IGF2R: variants seen among roughly 807,000 people sequenced by gnomAD.
IGF2R encodes insulin like growth factor 2 receptor, also known as cation-independent mannose-6-phosphate receptor.
A neutral mutation model predicts 270.6 loss-of-function variants in IGF2R; 91 were observed. The ratio of observed to expected loss-of-function variants is 0.34; its 90% CI spans 0.28 to 0.40. The LOEUF (loss-of-function observed/expected upper bound fraction) is 0.40, where lower values mean the gene tolerates loss of function less well. Among genes scored for constraint, IGF2R ranks in the 10% least tolerant of loss-of-function variants. The pLI is 1.00. For missense variants in IGF2R, 2,805 were observed against 3,188.3 expected (o/e 0.88, Z 2.90); for synonymous variants, 1,316 against 1,258.9 (o/e 1.05, Z -0.96).
At chr6:160,043,095 C>T (rs1777982481) in intron 11 of IGF2R, 53 bp from the exon 12 acceptor site, 3 of 1,593,536 alleles carry the variant, frequency 1.9e-6, no homozygotes, top group Admixed American at 3.4e-5. Flanking sequence ...TATTCTGTGA[C>T]TCAGAGAAAT....
At chr6:159,984,738 G>A (rs1562332358) in intron 1 of IGF2R, among the ~76,000 whole-genome samples, 3 of 152,140 alleles carry the variant, frequency 2.0e-5, no homozygotes, top group Non-Finnish European at 4.4e-5. Context: ...TTCTGATGAC[G>A]TATCGCCATT....
intron 4 of IGF2R, among the ~76,000 whole-genome samples, chr6:160,011,304 T>TAA (rs550665992): frequency 2.0e-5 from 3 of 152,270 alleles, no homozygotes; most frequent in Admixed American, 2.0e-4. Context: ...AGGTATCCCT[T>TAA]AAATTCTTTT....
At chr6:160,074,595 AT>A (rs1778817189) in intron 35 of IGF2R, among the ~76,000 whole-genome samples, 1 of 152,216 alleles carries the variant, frequency 6.6e-6, no homozygotes, top group Non-Finnish European at 1.5e-5. Context: ...TTTAATAGAA[AT>A]TTGGATCTTT....
intron 26 of IGF2R, 64 bp downstream of exon 26, chr6:160,062,683 T>A: frequency 8.5e-7 from 1 of 1,175,742 alleles, no homozygotes; most frequent in African/African-American, 1.5e-5. Context: ...TTCTGAACGA[T>A]GCCTTAGATA....
intron 42 of IGF2R, 138 bp downstream of exon 42, chr6:160,088,285 G>A (rs1406943704): frequency 7.7e-6 from 5 of 649,930 alleles, no homozygotes; most frequent in East Asian, 2.7e-5. Flanking sequence ...TGTATTGGGC[G>A]GGGCTGCTCC....
rs1438152582 is a variant in IGF2R at position 160,054,209 on chromosome 6, CAT to C, written c.2695-2212_2695-2211del. On this transcript the variant is annotated intron_variant, in intron 19 of 47. Transcript: ENST00000356956. ...ATGCTGAACAGGTTAGTCAAGTATACATATTCAGCAGGTTACAGGAGCAGCTA... is the reference window on the plus strand; with the variant it reads ...ATGCTGAACAGGTTAGTCAAGTATACATTCAGCAGGTTACAGGAGCAGCTA... Among the ~76,000 whole-genome samples the C allele has an allele frequency of 4.6e-5, 7 of 152,304 alleles. No individual in the cohort carries two copies. The East Asian group carries it at 1.3e-3, about 29-fold the overall frequency.
chr6:160,066,899 T>C (rs1778596622), intron 29 of IGF2R, among the ~76,000 whole-genome samples: 1 of 152,228 alleles, frequency 6.6e-6, no homozygotes. Flanking sequence ...CACCTGCCCC[T>C]GGTTTGGGCA....
Position 160,047,350 on chromosome 6 carries a change from T to G in IGF2R, c.2229+14T>G. 1 of 1,567,444 alleles carries G rather than the reference T, an allele frequency of 6.4e-7. No homozygotes were observed. The highest frequency in any genetic ancestry group is 1.2e-5 in the South Asian group (1 of 84,176). On this transcript the variant is annotated intron_variant, in intron 16 of 47. Transcript: ENST00000356956. ...CCTGAATATCAGGTAGGAATGTTTG[T>G]TCCTCATCGCGCTCCCTGAGGATAC... is the stretch of plus-strand genomic sequence containing the variant.
rs760525553 is a variant in IGF2R, at chr6:160,104,836, G to A, written c.7228G>A (p.Glu2410Lys). ...SSLHGDDQDS[E>K]DEVLTIPEVK... ...CCTGCATGGGGATGACCAGGACAGT[G>A]AGGATGAGGTTCTGACCATCCCAGA... Residue 2410 changes from glutamate (E) to lysine (K), a missense_variant, in exon 48 of 48, where the codon GAG becomes AAG. By Grantham distance (56) the Glu-to-Lys change is moderately conservative. Transcript: ENST00000356956. 1 of 1,614,252 alleles carries A rather than the reference G, an allele frequency of 6.2e-7. No homozygotes were observed. Among genetic ancestry groups the A allele is most frequent in the African/African-American group, 1.3e-5 (1 of 75,064 alleles).
At chr6:160,024,420 T>G in intron 4 of IGF2R, 152 bp from the exon 5 acceptor site, 1 of 700,754 alleles carries the variant, frequency 1.4e-6, no homozygotes, top group Non-Finnish European at 2.4e-6. Context: ...GCCAAGACGT[T>G]TATTGACCTT....
chr6:160,010,774 G>C lies in IGF2R; in HGVS notation c.502G>C (p.Ala168Pro). The part of the protein sequence containing the change: ...TAACKKDIFK[A>P]NKEVPCYVFD... The stretch of plus-strand genomic sequence containing the variant: ...AGCCTGCAAGAAAGACATATTTAAA[G>C]CAAATAAGGAGGTAACATGGGAACT... Residue 168 changes from alanine to proline, a missense_variant, in exon 4 of 48, where the codon GCA (alanine) becomes CCA (proline). Physicochemically the swap from Ala to Pro is conservative, Grantham distance 27 (BLOSUM62 -1). Transcript: ENST00000356956. 4 of 1,596,846 alleles carry C rather than the reference G, an allele frequency of 2.5e-6. No individual in the cohort carries two copies. Among genetic ancestry groups the C allele is most frequent in the Non-Finnish European group, 3.4e-6 (4 of 1,164,346 alleles).
At chr6:159,986,642 C>A (rs1001989091) in intron 1 of IGF2R, among the ~76,000 whole-genome samples, 7 of 152,236 alleles carry the variant, frequency 4.6e-5, no homozygotes, top group Non-Finnish European at 5.9e-5. Context: ...TGTTTCCACA[C>A]AGCTTGCAGA....
chr6:160,088,243 T>C (rs904570824), intron 42 of IGF2R, 96 bp downstream of exon 42: 1 of 813,834 alleles, frequency 1.2e-6, no homozygotes, highest in Middle Eastern at 3.5e-4. Flanking sequence ...GGCTGAGTCT[T>C]AGGAGCTCAG....
At chr6:160,041,144 C>A (rs1386479579) in intron 11 of IGF2R, among the ~76,000 whole-genome samples, 1 of 152,132 alleles carries the variant, frequency 6.6e-6, no homozygotes, top group Non-Finnish European at 1.5e-5. Flanking sequence ...GCCAAGGAGG[C>A]AGCAGCGCCC....
At chr6:159,977,638 C>T (rs1783714805) in intron 1 of IGF2R, among the ~76,000 whole-genome samples, 1 of 152,182 alleles carries the variant, frequency 6.6e-6, no homozygotes, top group Non-Finnish European at 1.5e-5. Context: ...AGGGGTGGGA[C>T]TTAGTTTTCT....
Position 160,056,486 on chromosome 6 carries a change from G to T in IGF2R, c.2757G>T (p.Glu919Asp). The T allele has an allele frequency of 6.2e-7, 1 of 1,614,046 alleles. No homozygotes were observed. The highest frequency in any genetic ancestry group is 8.5e-7 in the Non-Finnish European group (1 of 1,179,912). Residue 919 changes from glutamate to aspartate, a missense_variant, in exon 20 of 48, where the codon GAG becomes GAT. Glu to Asp is a conservative substitution (Grantham distance 45). Around this residue, in one of 2 missense-constraint regions of IGF2R, gnomAD observed 1,851 missense variants for 2,207.2 expected, o/e 0.84. Coordinates refer to ENST00000356956, the MANE Select transcript of IGF2R (RefSeq NM_000876.4). The part of the protein sequence containing the change: ...ECVVSFLWNT[E>D]AACPIQTTTD... ...TGGTCAGTTTCCTGTGGAACACAGA[G>T]GCTGCCTGTCCCATTCAGACAACGA...
rs1031419763 is a variant in IGF2R, at chr6:160,026,633, C to T, written c.647-552C>T. Among the ~76,000 whole-genome samples, 7 of 152,230 alleles carry T rather than the reference C, an allele frequency of 4.6e-5. No individual in the cohort carries two copies. In the East Asian group the frequency reaches 1.2e-3, roughly 25 times the overall value. ...AACCTAGCTGTAATCATAGCTGTTG[C>T]TATACTGGCAATCTGTAAAGCCTGC... is the stretch of plus-strand genomic sequence containing the variant. On this transcript the variant is annotated intron_variant, in intron 5 of 47. Coordinates refer to ENST00000356956, the MANE Select transcript of IGF2R (RefSeq NM_000876.4).
chr6:159,995,663 T>C (rs1182906081), intron 2 of IGF2R, among the ~76,000 whole-genome samples: 1 of 152,140 alleles, frequency 6.6e-6, no homozygotes, highest in East Asian at 1.9e-4. Flanking sequence ...AATTTTTCAT[T>C]TCTGGAATTT....
In IGF2R at chr6:160,047,445, C is replaced by T. The variant is rs967284025; in HGVS notation, c.2229+109C>T. 2.1e-5 allele frequency: 20 copies of T among 960,534 alleles called. No homozygotes were observed. In the East Asian group the frequency reaches 2.1e-4, roughly 10 times the overall value. The allele number at this position is 960,534 out of a possible 1,614,324, so 59.5% of individuals were successfully genotyped here. On this transcript the variant is annotated intron_variant, in intron 16 of 47. Transcript: ENST00000356956. ...TCTGGGTTTCCAGCCAAATCATCAC[C>T]GTCATTAGATTTGCCAGGGTGCCTG...
Sources: allele counts gnomAD v4.1 joint callset (sites outside exome capture counted in the v4.1 genomes callset), GRCh38; gene constraint gnomAD v4.1.1; regional missense constraint gnomAD v4.1.1; transcripts MANE v1.5; gene names NCBI Gene and HGNC (gene_info 2026-07-23, HGNC 2026-07-21).